Variants in STOX2 observed in about 807,000 individuals in gnomAD.
The protein encoded by STOX2 is storkhead-box protein 2.
Under a neutral mutation model 60.9 loss-of-function variants are expected in STOX2, and 28 were observed. That is an observed-to-expected ratio of 0.46 (90% CI 0.34 to 0.63). The LOEUF is 0.63. STOX2 is among the 30% of genes least tolerant of loss of function. STOX2 has a pLI of 0.01. For synonymous variants in STOX2, 472 were observed against 463.9 expected (o/e 1.02, Z -0.22); for missense variants, 1,024 against 1,187.7 (o/e 0.86, Z 2.03).
At chr4:183,908,591 A>AGTTTT (rs1468922895) in intron 1 of STOX2, among the ~76,000 whole-genome samples, 2 of 50,870 alleles carry the variant, frequency 3.9e-5, no homozygotes, top group African/African-American at 1.5e-4. Flanking sequence ...CCAGGCAGCC[A>AGTTTT]GTTTTTTTTT....
intron 1 of STOX2, among the ~76,000 whole-genome samples, chr4:183,951,052 A>G (rs1007595287): frequency 2.6e-5 from 4 of 151,650 alleles, no homozygotes; most frequent in African/African-American, 9.7e-5. Flanking sequence ...CGTCTCTACT[A>G]AAAATACAAA....
intron 1 of STOX2, among the ~76,000 whole-genome samples, chr4:183,927,646 A>T (rs1330374744): frequency 6.6e-6 from 1 of 152,054 alleles, no homozygotes; most frequent in Non-Finnish European, 1.5e-5. Context: ...TGCACATATT[A>T]CTGAGCTGGA....
At chr4:183,871,953 C>T (rs190047657) in intron 1 of STOX2, among the ~76,000 whole-genome samples, 3 of 152,052 alleles carry the variant, frequency 2.0e-5, no homozygotes, top group African/African-American at 7.2e-5. Context: ...AAATTTGCGC[C>T]TCATATATTA....
Position 183,830,198 on chromosome 4 carries a change from G to A in STOX2, c.364+32143G>A, listed in dbSNP as rs80251050. ...CAAGGTATCTAGGGTCACCTGGTGCGTTGTTACTTGCTTTTCTGCTAACCT... is the reference window on the plus strand; with the variant it reads ...CAAGGTATCTAGGGTCACCTGGTGCATTGTTACTTGCTTTTCTGCTAACCT... On this transcript the variant is annotated intron_variant, in intron 1 of 2. Transcript: ENST00000513034. Among the ~76,000 whole-genome samples, 304 of 152,280 alleles carry A rather than the reference G, an allele frequency of 2.0e-3. 1 individual carries two copies. The highest frequency in any genetic ancestry group is 6.9e-3 in the African/African-American group (285 of 41,550).
At chr4:183,822,815 A>C (rs1338711861) in intron 1 of STOX2, among the ~76,000 whole-genome samples, 1 of 152,184 alleles carries the variant, frequency 6.6e-6, no homozygotes, top group Non-Finnish European at 1.5e-5. Context: ...TTTAATCTTC[A>C]TGGAAACTCA....
chr4:183,995,381 A>G (rs1429970990), intron 1 of STOX2, among the ~76,000 whole-genome samples: 1 of 132,592 alleles, frequency 7.5e-6, no homozygotes, highest in African/African-American at 2.9e-5. Context: ...AAGGTATTTG[A>G]TGTAAAATAG....
chr4:183,801,934 A>G (rs1241836561), intron 1 of STOX2, among the ~76,000 whole-genome samples: 1 of 152,226 alleles, frequency 6.6e-6, no homozygotes, highest in Non-Finnish European at 1.5e-5. Flanking sequence ...GGCCTATTGA[A>G]ACAGAGGGAG....
chr4:183,810,274 G>A (rs903158224), intron 1 of STOX2, among the ~76,000 whole-genome samples: 2 of 152,164 alleles, frequency 1.3e-5, no homozygotes, highest in African/African-American at 4.8e-5. Flanking sequence ...CCTTCATTGT[G>A]TATCTGGACC....
At chr4:183,964,137 C>T (rs1267176648) in intron 1 of STOX2, among the ~76,000 whole-genome samples, 5 of 152,164 alleles carry the variant, frequency 3.3e-5, no homozygotes, top group Admixed American at 6.5e-5. Context: ...ACTTCTGTTC[C>T]ACTTGTGTAA....
chr4:183,940,979 C>CTGTA (rs775120227), intron 1 of STOX2, among the ~76,000 whole-genome samples: 46 of 152,198 alleles, frequency 3.0e-4, no homozygotes, highest in Non-Finnish European at 4.4e-4. Context: ...ACAAAGCTTG[C>CTGTA]TGTAACATGT....
chr4:183,814,695 G>T (rs1579294421), intron 1 of STOX2, among the ~76,000 whole-genome samples: 1 of 152,228 alleles, frequency 6.6e-6, no homozygotes, highest in Non-Finnish European at 1.5e-5. Flanking sequence ...GCCTGGCACG[G>T]TTTACACCAA....
At position 184,022,017 on chromosome 4, in the gene STOX2, C is replaced by T. The variant is rs1734611888; in HGVS notation, c.*4733C>T. 1 of 152,078 alleles carries T rather than the reference C, an allele frequency of 6.6e-6. No homozygotes were observed. 9.4% of individuals were successfully genotyped at this position (152,078 alleles called of 1,614,324 possible). ...GTGACTTTTCTGCACATGTTTAGGGCTTGGGGGAGCTAGAACACAGGAAAC... is the reference window on the plus strand; with the variant it reads ...GTGACTTTTCTGCACATGTTTAGGGTTTGGGGGAGCTAGAACACAGGAAAC... On this transcript the variant is annotated 3_prime_UTR_variant, in exon 4 of 4. Coordinates refer to ENST00000308497, the MANE Select transcript of STOX2 (RefSeq NM_020225.3).
chr4:183,979,173 G>A (rs1203242872), intron 1 of STOX2, among the ~76,000 whole-genome samples: 1 of 152,168 alleles, frequency 6.6e-6, no homozygotes, highest in Non-Finnish European at 1.5e-5. Context: ...ATGGCAGAAG[G>A]CAAAGAGGGA....
chr4:183,984,696 G>C (rs561286362), intron 1 of STOX2, among the ~76,000 whole-genome samples: 2 of 152,208 alleles, frequency 1.3e-5, no homozygotes, highest in Non-Finnish European at 1.5e-5. Flanking sequence ...CCTATGTGAC[G>C]CTGCTATTTA....
intron 1 of STOX2, among the ~76,000 whole-genome samples, chr4:183,846,413 A>T (rs1312833880): frequency 6.6e-6 from 1 of 151,942 alleles, no homozygotes; most frequent in Non-Finnish European, 1.5e-5. Context: ...GGTGTGCTTG[A>T]TGGTGTTCCA....
intron 1 of STOX2, among the ~76,000 whole-genome samples, chr4:183,842,368 A>C (rs1051489596): frequency 7.2e-5 from 11 of 152,246 alleles, no homozygotes; most frequent in African/African-American, 2.7e-4. Context: ...CCTCACAGTC[A>C]GCTCCTATCA....
chr4:183,904,372 TC>T (rs1741533132), upstream of STOX2, among the ~76,000 whole-genome samples: 1 of 152,266 alleles, frequency 6.6e-6, no homozygotes, highest in Non-Finnish European at 1.5e-5. Context: ...CAGCTAGCTT[TC>T]TATAACTTCT....
At chr4:184,005,811 A>C (rs1733800714) in intron 2 of STOX2, among the ~76,000 whole-genome samples, 2 of 152,252 alleles carry the variant, frequency 1.3e-5, no homozygotes, top group African/African-American at 4.8e-5. Flanking sequence ...CTTTCAGTTA[A>C]GTCTGAAAAC....
intron 1 of STOX2, among the ~76,000 whole-genome samples, chr4:183,859,424 C>T (rs959458823): frequency 2.6e-5 from 4 of 152,206 alleles, no homozygotes; most frequent in Admixed American, 1.3e-4. Context: ...GTGACAGGCA[C>T]CTACAGAGCT....
Sources: allele counts gnomAD v4.1 joint callset (sites outside exome capture counted in the v4.1 genomes callset), GRCh38; gene constraint gnomAD v4.1.1; transcripts MANE v1.5; gene names NCBI Gene and HGNC (gene_info 2026-07-23, HGNC 2026-07-21).